Variants in DHX16 observed in about 807,000 individuals in gnomAD.
DHX16 encodes the protein pre-mRNA-splicing factor ATP-dependent RNA helicase DHX16.
In DHX16, 81 loss-of-function variants were observed where a neutral mutation model predicts 131.2. The observed-to-expected ratio is 0.62, with a 90% confidence interval of 0.52 to 0.74. DHX16 has a LOEUF of 0.74. Among genes scored for constraint, DHX16 ranks in the 30% least tolerant of loss-of-function variants. The pLI, the probability that DHX16 is intolerant of heterozygous loss-of-function variation, is 0.00. For synonymous variants in DHX16, 440 were observed against 520.2 expected (o/e 0.85, Z 2.10); for missense variants, 980 against 1,363.1 (o/e 0.72, Z 4.43).
In DHX16 at chr6:30,656,323, T is replaced by C. The variant is rs779688545; in HGVS notation, c.2431-58A>G. ...CCTCCCTCAGGTTTCCCGCTACTACTACAGGGGTCCCTGGAGCCATCCTGA... is the reference window on the plus strand; with the variant it reads ...CCTCCCTCAGGTTTCCCGCTACTACCACAGGGGTCCCTGGAGCCATCCTGA... On this transcript the variant is annotated intron_variant, in intron 15 of 19. Transcript: ENST00000376442. The surrounding 1 kb of genome is among the most constrained non-coding windows in gnomAD (Gnocchi z 5.1). 10 of 1,610,572 alleles carry C rather than the reference T, an allele frequency of 6.2e-6. No homozygotes were observed. Among genetic ancestry groups the C allele is most frequent in the African/African-American group, 1.3e-5 (1 of 74,828 alleles).
chr6:30,657,201 G>T, intron 12 of DHX16, 109 bp from the exon 13 acceptor site: 2 of 1,157,100 alleles, frequency 1.7e-6, no homozygotes, highest in Non-Finnish European at 2.4e-6. Context: ...AGGGGCAGGA[G>T]CTGAGGGAAT....
chr6:30,665,294 G>A lies in DHX16; in HGVS notation c.922-20C>T. 5 of 1,599,566 alleles carry A rather than the reference G, an allele frequency of 3.1e-6. No individual in the cohort carries two copies. In the African/African-American group the frequency reaches 4.0e-5, roughly 13 times the overall value. ...GGCTGGCTACAGAGAGAGGGGATAT[G>A]TGAAGACTCAAAAACAGGATGTCCT... On this transcript the variant is annotated intron_variant, in intron 5 of 19. Coordinates refer to ENST00000376442, the MANE Select transcript of DHX16 (RefSeq NM_003587.5). The surrounding 1 kb of genome is among the most constrained non-coding windows in gnomAD (Gnocchi z 4.8).
intron 9 of DHX16, among the ~76,000 whole-genome samples, chr6:30,661,362 C>T (rs1470263463): frequency 2.0e-5 from 3 of 152,072 alleles, no homozygotes; most frequent in Admixed American, 6.6e-5. Context: ...GGATTACAGG[C>T]GTGAGCCACC....
Position 30,653,355 on chromosome 6 carries a change from T to C in DHX16, c.3013A>G (p.Ser1005Gly). 6.2e-7 allele frequency: 1 copy of C among 1,612,754 alleles called. No individual in the cohort carries two copies. The highest frequency in any genetic ancestry group is 8.5e-7 in the Non-Finnish European group (1 of 1,179,938). The change falls in exon 20 of 20, where the codon AGC (serine) becomes GGC (glycine). Residue 1005 changes from serine to glycine, a missense_variant. Physicochemically the swap from Ser to Gly is moderately conservative, Grantham distance 56. Coordinates refer to ENST00000376442, the MANE Select transcript of DHX16 (RefSeq NM_003587.5). ...EFMRQVLEIE[S>G]SWLLEVAPHY... ...GGAGCCACCTCCAGAAGCCAACTGC[T>C]CTCAATCTCCAGTACCTAGGAGAGA...
intron 4 of DHX16, among the ~76,000 whole-genome samples, chr6:30,668,875 G>A (rs1769276904): frequency 6.6e-6 from 1 of 152,156 alleles, no homozygotes; most frequent in Admixed American, 6.6e-5. Flanking sequence ...GGAGGCCGAG[G>A]CAGGTGGATC....
At position 30,659,816 on chromosome 6, in the gene DHX16, A is replaced by G. The variant is rs746783354; in HGVS notation, c.1774T>C (p.Leu592=). ...FYTKAPEADY[L]EACVVSVLQI... is the part of the protein sequence containing the mutation. ...AACACAGATACTACACAAGCTTCCA[A>G]GTAGTCAGCCTCTGGAGCCTGGAGA... The change falls in exon 11 of 20, where the codon TTG becomes CTG. Residue 592 remains leucine, a synonymous_variant. Transcript: ENST00000376442. 6.2e-7 allele frequency: 1 copy of G among 1,614,212 alleles called. No individual in the cohort carries two copies. The highest frequency in any genetic ancestry group is 8.5e-7 in the Non-Finnish European group (1 of 1,180,034).
At position 30,665,839 on chromosome 6, in the gene DHX16, C is replaced by T. The variant is rs1768998552; in HGVS notation, c.667-106G>A. The T allele has an allele frequency of 2.8e-6, 4 of 1,416,688 alleles. No homozygotes were observed. Among genetic ancestry groups the T allele is most frequent in the Non-Finnish European group, 9.5e-7 (1 of 1,057,266 alleles). The allele number at this position is 1,416,688 out of a possible 1,614,324, so 87.8% of individuals were successfully genotyped here. ...TCCCCTGACAGGCAGGCATGAGAAC[C>T]TCAGGATGCACCCTCTACCTTCCCT... On this transcript the variant is annotated intron_variant, in intron 4 of 19. Coordinates refer to ENST00000376442, the MANE Select transcript of DHX16 (RefSeq NM_003587.5). This position sits in a 1 kb window ranked among gnomAD's most constrained non-coding sequence, Gnocchi z 4.8.
At chr6:30,658,107 G>A (rs1483483911) in intron 12 of DHX16, among the ~76,000 whole-genome samples, 1 of 152,202 alleles carries the variant, frequency 6.6e-6, no homozygotes, top group African/African-American at 2.4e-5. Flanking sequence ...CTACTCAGCT[G>A]TCTAAAGTCC....
intron 4 of DHX16, among the ~76,000 whole-genome samples, chr6:30,669,554 G>A (rs1235555599): frequency 6.6e-6 from 1 of 151,376 alleles, no homozygotes; most frequent in Non-Finnish European, 1.5e-5. Context: ...TCAGGGGTTC[G>A]AGACCACCCT....
In DHX16 at chr6:30,653,270, AT is replaced by A; in HGVS notation, c.3097del (p.Ile1033Ter). ...DPHAKKMPKK[I>X]GKTREELG ...CCCTAGCTCTTCTCGTGTTTTGCCT[AT>A]TTTTTTGGGCATTTTCTTAGCATGG... On this transcript the variant is annotated frameshift_variant, in exon 20 of 20. Coordinates refer to ENST00000376442, the MANE Select transcript of DHX16 (RefSeq NM_003587.5). LOFTEE classifies it high-confidence loss of function. 1.9e-6 allele frequency: 3 copies of A among 1,612,748 alleles called. No homozygotes were observed. Among genetic ancestry groups the A allele is most frequent in the South Asian group, 1.1e-5 (1 of 91,064 alleles).
At position 30,662,051 on chromosome 6, in the gene DHX16, CCT is replaced by C. The variant is rs1768567152; in HGVS notation, c.1544+574_1544+575del. 2 of 591,852 alleles carry C rather than the reference CCT, an allele frequency of 3.4e-6. No individual in the cohort carries two copies. Among genetic ancestry groups the C allele is most frequent in the Admixed American group, 2.8e-5 (1 of 36,056 alleles). 36.7% of individuals were successfully genotyped at this position (591,852 alleles called of 1,614,324 possible). The stretch of plus-strand genomic sequence containing the variant: ...CCCCTCAACACATGTTCAACCAACC[CCT>C]GCTTGGCCATTTCCAGCACTAAGAG... On this transcript the variant is annotated intron_variant, in intron 9 of 19. Transcript: ENST00000376442. The surrounding 1 kb of genome is among the most constrained non-coding windows in gnomAD (Gnocchi z 4.7).
intron 4 of DHX16, among the ~76,000 whole-genome samples, chr6:30,667,414 C>G (rs1284042861): frequency 6.6e-6 from 1 of 151,956 alleles, no homozygotes; most frequent in Non-Finnish European, 1.5e-5. Context: ...GACCCCATCT[C>G]TACTAAAAAT....
chr6:30,657,589 C>A (rs1768103369), intron 12 of DHX16, among the ~76,000 whole-genome samples: 1 of 152,026 alleles, frequency 6.6e-6, no homozygotes, highest in Non-Finnish European at 1.5e-5. Context: ...GATCACCTAC[C>A]CCAGCTGCCT....
At position 30,665,173 on chromosome 6, in the gene DHX16, A is replaced by G. The variant is rs745381043; in HGVS notation, c.1023T>C (p.Phe341=). 1 of 1,612,848 alleles carries G rather than the reference A, an allele frequency of 6.2e-7. No individual in the cohort carries two copies. Among genetic ancestry groups the G allele is most frequent in the Non-Finnish European group, 8.5e-7 (1 of 1,179,900 alleles). Residue 341 remains phenylalanine (F), a synonymous_variant, in exon 6 of 20, where the codon TTT becomes TTC. Transcript: ENST00000376442. The surrounding 1 kb of genome is among the most constrained non-coding windows in gnomAD (Gnocchi z 4.8). ...CCTGAGAGGCAGCATCTCGGGCCCC[A>G]AACTTCAGGGACGCTGCCCCAAGCC... ...EARLGAASLK[F]GARDAASQEP...
At position 30,653,160 on chromosome 6, in the gene DHX16, C is replaced by G; in HGVS notation, c.*82G>C. ...CCAAATGTTCCCACAAGCTTTATTCCAAAAATAATTTTATTTAATAGGTAT... is the reference window on the plus strand; with the variant it reads ...CCAAATGTTCCCACAAGCTTTATTCGAAAAATAATTTTATTTAATAGGTAT... On this transcript the variant is annotated 3_prime_UTR_variant, in exon 20 of 20. Transcript: ENST00000376442. The G allele has an allele frequency of 1.3e-6, 2 of 1,486,352 alleles. No homozygotes were observed. The highest frequency in any genetic ancestry group is 1.8e-6 in the Non-Finnish European group (2 of 1,108,760). The allele number at this position is 1,486,352 out of a possible 1,614,324, so 92.1% of individuals were successfully genotyped here. A position where few individuals can be genotyped will look rare whatever the true frequency, so the allele number is the denominator to read the frequency against.
intron 4 of DHX16, among the ~76,000 whole-genome samples, chr6:30,666,400 T>C (rs558150392): frequency 2.0e-5 from 3 of 152,358 alleles, no homozygotes; most frequent in Non-Finnish European, 4.4e-5. Context: ...GGACACATTA[T>C]GGATGACAGC....
intron 19 of DHX16, 87 bp from the exon 20 acceptor site, chr6:30,653,457 G>A (rs1034800455): frequency 3.8e-5 from 55 of 1,449,312 alleles, no homozygotes; most frequent in Admixed American, 1.1e-4. Context: ...AATTGAAACA[G>A]AGTCTTGCTC....
intron 1 of DHX16, 55 bp from the exon 2 acceptor site, chr6:30,671,329 C>A: frequency 6.7e-7 from 1 of 1,493,906 alleles, no homozygotes; most frequent in Non-Finnish European, 9.2e-7. Flanking sequence ...CTCTGCCCTC[C>A]CACTTAGCTC....
At chr6:30,660,863 C>G (rs920096604) in intron 9 of DHX16, among the ~76,000 whole-genome samples, 1 of 151,292 alleles carries the variant, frequency 6.6e-6, no homozygotes, top group Non-Finnish European at 1.5e-5. Flanking sequence ...GCCTGGGTGA[C>G]AGAGCGAGAC....
Sources: allele counts gnomAD v4.1 joint callset (sites outside exome capture counted in the v4.1 genomes callset), GRCh38; gene constraint gnomAD v4.1.1; non-coding constraint Gnocchi (gnomAD v3.1); transcripts MANE v1.5; gene names NCBI Gene and HGNC (gene_info 2026-07-23, HGNC 2026-07-21).